The following CADPS2 variants were observed in gnomAD, a reference collection of about 807,000 sequenced individuals.
CADPS2 encodes the protein calcium dependent secretion activator 2.
A neutral mutation model predicts 172.5 loss-of-function variants in CADPS2; 93 were observed. That is an observed-to-expected ratio of 0.54 (90% CI 0.46 to 0.64). The LOEUF is 0.64. CADPS2 is among the 30% of genes least tolerant of loss of function. CADPS2 has a pLI of 0.00. For missense variants in CADPS2, 1,420 were observed against 1,565.9 expected (o/e 0.91, Z 1.57); for synonymous variants, 546 against 555.2 (o/e 0.98, Z 0.23).
intron 8 of CADPS2, among the ~76,000 whole-genome samples, chr7:122,541,240 A>T (rs947063540): frequency 2.0e-5 from 3 of 147,192 alleles, no homozygotes; most frequent in African/African-American, 7.5e-5. Flanking sequence ...ACTGTTGCCC[A>T]GGTTGGAGTG....
chr7:122,574,585 G>A (rs2067738621), intron 7 of CADPS2, among the ~76,000 whole-genome samples: 1 of 150,654 alleles, frequency 6.6e-6, no homozygotes. Flanking sequence ...AGTACAAGTT[G>A]AGCCTCTAAA....
chr7:122,477,542 C>G (rs1043571851), intron 12 of CADPS2, among the ~76,000 whole-genome samples: 5 of 143,960 alleles, frequency 3.5e-5, no homozygotes, highest in Admixed American at 3.4e-4. Context: ...CCCGACCCCA[C>G]CAAAAAAAAA....
At chr7:122,763,489 G>A (rs904253940) in intron 1 of CADPS2, among the ~76,000 whole-genome samples, 1 of 152,136 alleles carries the variant, frequency 6.6e-6, no homozygotes, top group Non-Finnish European at 1.5e-5. Flanking sequence ...AAGAGCCAAA[G>A]TATTGATATA....
intron 2 of CADPS2, among the ~76,000 whole-genome samples, chr7:122,679,265 T>TGTGGGGGGGG (rs71161322): frequency 2.5e-5 from 1 of 39,240 alleles, no homozygotes; most frequent in Admixed American, 3.4e-4. Flanking sequence ...AATGCATTCC[T>TGTGGGGGGGG]GGGGGGGGGG....
chr7:122,382,899 G>C (rs1418401368), intron 24 of CADPS2, among the ~76,000 whole-genome samples: 1 of 152,092 alleles, frequency 6.6e-6, no homozygotes, highest in Non-Finnish European at 1.5e-5. Flanking sequence ...GCAGTTTGAA[G>C]ATTTCTCAAA....
intron 7 of CADPS2, among the ~76,000 whole-genome samples, chr7:122,561,687 T>C (rs2065802610): frequency 6.6e-6 from 1 of 151,862 alleles, no homozygotes; most frequent in Non-Finnish European, 1.5e-5. Flanking sequence ...CTTTAAGACA[T>C]TTTTTTTCAC....
intron 14 of CADPS2, among the ~76,000 whole-genome samples, chr7:122,461,515 T>C (rs2054429064): frequency 6.6e-6 from 1 of 152,184 alleles, no homozygotes; most frequent in Non-Finnish European, 1.5e-5. Flanking sequence ...AGAATCTTTT[T>C]TTAAAAAAAG....
At chr7:122,766,830 A>G (rs1372655021) in intron 1 of CADPS2, among the ~76,000 whole-genome samples, 2 of 152,188 alleles carry the variant, frequency 1.3e-5, no homozygotes, top group African/African-American at 4.8e-5. Context: ...CAGAACTGAT[A>G]TTAAATCCCA....
At chr7:122,383,720 C>T (rs984416452) in intron 24 of CADPS2, among the ~76,000 whole-genome samples, 1 of 152,088 alleles carries the variant, frequency 6.6e-6, no homozygotes, top group Non-Finnish European at 1.5e-5. Flanking sequence ...CACCACTTCA[C>T]CTGACTGCTG....
intron 1 of CADPS2, among the ~76,000 whole-genome samples, chr7:122,788,448 T>C (rs764176911): frequency 5.0e-4 from 76 of 152,230 alleles, no homozygotes; most frequent in Non-Finnish European, 8.2e-4. Context: ...CTGGTCCACA[T>C]TGCAGTGATA....
chr7:122,488,517 C>A (rs1408806892), intron 11 of CADPS2, among the ~76,000 whole-genome samples: 1 of 152,214 alleles, frequency 6.6e-6, no homozygotes, highest in Non-Finnish European at 1.5e-5. Flanking sequence ...AAGGAGGACA[C>A]AGACTACATG....
intron 1 of CADPS2, among the ~76,000 whole-genome samples, chr7:122,750,162 C>T (rs969634654): frequency 6.6e-6 from 1 of 152,098 alleles, no homozygotes; most frequent in East Asian, 1.9e-4. Flanking sequence ...GTATGCTACA[C>T]TGCTGAGTCT....
At chr7:122,503,580 C>T (rs1586690844) in intron 9 of CADPS2, among the ~76,000 whole-genome samples, 1 of 152,228 alleles carries the variant, frequency 6.6e-6, no homozygotes, top group East Asian at 1.9e-4. Flanking sequence ...CAGAGATATA[C>T]TCCTTTCTTG....
chr7:122,702,948 A>G, intron 2 of CADPS2: 1 of 524,612 alleles, frequency 1.9e-6, no homozygotes, highest in Non-Finnish European at 3.4e-6. Context: ...AAACAAAATA[A>G]CAAGACTTGT....
At chr7:122,430,591 A>C (rs2049782819) in intron 17 of CADPS2, among the ~76,000 whole-genome samples, 1 of 152,218 alleles carries the variant, frequency 6.6e-6, no homozygotes, top group Non-Finnish European at 1.5e-5. Context: ...GATAAAATTA[A>C]AGCAAAGGAG....
chr7:122,731,589 G>A (rs1404161623), intron 2 of CADPS2, among the ~76,000 whole-genome samples: 2 of 148,250 alleles, frequency 1.3e-5, no homozygotes, highest in African/African-American at 5.0e-5. Context: ...CAAAAACGAA[G>A]AGCAAACACT....
Position 122,523,292 on chromosome 7 carries a change from G to T in CADPS2, c.1476-9977C>A, listed in dbSNP as rs74625172. 7.8e-3 allele frequency among the ~76,000 whole-genome samples: 1,189 copies of T among 152,084 alleles called. 16 individuals carry two copies. Among genetic ancestry groups the T allele is most frequent in the African/African-American group, 0.028 (1,149 of 41,484 alleles). On this transcript the variant is annotated intron_variant, in intron 8 of 29. Coordinates refer to ENST00000449022, the MANE Select transcript of CADPS2 (RefSeq NM_017954.11). ...ATAGATGTCAATGCACTGTCACCTA[G>T]AAATAAAACAACTAGAAAAATAATT...
Position 122,706,666 on chromosome 7 carries a change from G to A in CADPS2, c.453+30289C>T, listed in dbSNP as rs942330810. Among the ~76,000 whole-genome samples, 150 of 145,390 alleles carry A rather than the reference G, an allele frequency of 1.0e-3. 1 individual carries two copies. Among genetic ancestry groups the A allele is most frequent in the African/African-American group, 3.5e-3 (139 of 39,824 alleles). On this transcript the variant is annotated intron_variant, in intron 2 of 29. Transcript: ENST00000449022. ...GTTACATGCTCTTAACAAGAGATAG[G>A]TAGAACATACATATATATATTCTTT...
At chr7:122,491,467 C>T (rs1183708890) in intron 9 of CADPS2, 47 bp from the exon 10 acceptor site, 10 of 1,016,256 alleles carry the variant, frequency 9.8e-6, no homozygotes, top group African/African-American at 4.9e-5. Context: ...TTAAATTTAC[C>T]AAATTTAACT....
Sources: gnomAD v4.1 joint callset for allele counts (sites outside exome capture counted in the v4.1 genomes callset) on GRCh38, gnomAD v4.1.1 for gene constraint, MANE v1.5 for transcripts, NCBI Gene and HGNC (gene_info 2026-07-23, HGNC 2026-07-21) for gene names.